Variants in SOX5 observed in about 807,000 individuals in gnomAD.
The protein encoded by SOX5 is SRY-box transcription factor 5, also known as transcription factor SOX-5.
Under a neutral mutation model 92.0 loss-of-function variants are expected in SOX5, and 9 were observed. The ratio of observed to expected loss-of-function variants is 0.10; its 90% CI spans 0.06 to 0.17. SOX5 has a LOEUF of 0.17. SOX5 is among the 10% of genes least tolerant of loss of function. SOX5 has a pLI of 1.00. For missense variants in SOX5, 642 were observed against 944.5 expected (o/e 0.68, Z 4.20); for synonymous variants, 344 against 336.3 (o/e 1.02, Z -0.25).
chr12:23,743,985 C>T lies in SOX5; in HGVS notation c.569-2946G>A, dbSNP rs185871474. Among the ~76,000 whole-genome samples, 776 of 152,266 alleles carry T rather than the reference C, an allele frequency of 5.1e-3. 7 individuals carry two copies. The highest frequency in any genetic ancestry group is 0.019 in the South Asian group (93 of 4,828). ...AGTCATAAAGACATAAATAAGATTT[C>T]AAATTTAAAACAAAATTTCTAATTT... is the stretch of plus-strand genomic sequence containing the variant. On this transcript the variant is annotated intron_variant, in intron 4 of 14. Coordinates refer to ENST00000451604, the MANE Select transcript of SOX5 (RefSeq NM_006940.6).
intron 4 of SOX5, among the ~76,000 whole-genome samples, chr12:24,006,580 G>A (rs760884111): frequency 3.9e-5 from 6 of 151,932 alleles, no homozygotes; most frequent in Non-Finnish European, 5.9e-5. Context: ...CTGGACCTGT[G>A]CCACTCCTTC....
intron 1 of SOX5, among the ~76,000 whole-genome samples, chr12:24,526,854 G>A (rs978609468): frequency 2.0e-5 from 3 of 151,024 alleles, no homozygotes; most frequent in Admixed American, 6.6e-5. Context: ...GTCTCACTCT[G>A]TTGCCTAGAC....
At chr12:24,117,942 C>G (rs1948200017) in intron 4 of SOX5, among the ~76,000 whole-genome samples, 1 of 148,828 alleles carries the variant, frequency 6.7e-6, no homozygotes, top group Non-Finnish European at 1.5e-5. Flanking sequence ...TTGCTTGAAC[C>G]TGGGAGGCAG....
At chr12:24,470,741 C>A (rs988900732) in intron 1 of SOX5, among the ~76,000 whole-genome samples, 2 of 152,120 alleles carry the variant, frequency 1.3e-5, no homozygotes, top group African/African-American at 4.8e-5. Context: ...AATCTCACTC[C>A]CATTATTTAC....
intron 4 of SOX5, among the ~76,000 whole-genome samples, chr12:24,095,128 C>CACACAGAG (rs1345578614): frequency 1.8e-4 from 16 of 90,232 alleles, no homozygotes; most frequent in African/African-American, 4.5e-4. Context: ...CACACACACA[C>CACACAGAG]AGAGAGAGAG....
chr12:23,772,240 T>C (rs1277010611), intron 3 of SOX5, among the ~76,000 whole-genome samples: 1 of 152,270 alleles, frequency 6.6e-6, no homozygotes, highest in African/African-American at 2.4e-5. Flanking sequence ...GTCTTCATCT[T>C]TGGCCCTTTA....
intron 1 of SOX5, among the ~76,000 whole-genome samples, chr12:24,496,784 G>A (rs559533100): frequency 1.3e-5 from 2 of 152,314 alleles, no homozygotes; most frequent in Admixed American, 1.3e-4. Flanking sequence ...ATTGGTGTCA[G>A]CTAAGCTTGC....
rs191354348 is a variant in SOX5 at position 23,532,993 on chromosome 12, T to G, written c.*1226A>C. 1.2e-4 allele frequency: 23 copies of G among 186,244 alleles called. No individual in the cohort carries two copies. The East Asian group carries it at 3.1e-3, about 25-fold the overall frequency. 11.5% of individuals were successfully genotyped at this position (186,244 alleles called of 1,614,324 possible). A position where few individuals can be genotyped will look rare whatever the true frequency, so the allele number is the denominator to read the frequency against. ...AGGGAGAAAGGACATCTGGGAGCAGTTTGCTAGTAGCTTCCATGTTATACA... is the reference window on the plus strand; with the variant it reads ...AGGGAGAAAGGACATCTGGGAGCAGGTTGCTAGTAGCTTCCATGTTATACA... On this transcript the variant is annotated 3_prime_UTR_variant, in exon 15 of 15. Transcript: ENST00000451604.
At chr12:23,962,106 TA>T (rs1465739466) in intron 4 of SOX5, among the ~76,000 whole-genome samples, 3 of 151,834 alleles carry the variant, frequency 2.0e-5, no homozygotes, top group Non-Finnish European at 4.4e-5. Flanking sequence ...CTGAAGTGTG[TA>T]AAAAAAAGTG....
Position 23,604,483 on chromosome 12 carries a change from C to A in SOX5, c.1068G>T (p.Lys356Asn). ...GGTTGCCTTGGGGTATGCCTGGCAGCTTCCCTCCTGGAGATACCTGCATTG... is the reference window on the plus strand; with the variant it reads ...GGTTGCCTTGGGGTATGCCTGGCAGATTCCCTCCTGGAGATACCTGCATTG... ...LAAMQVSPGG[K>N]LPGIPQGNLG... Residue 356 changes from lysine (K) to asparagine (N), a missense_variant, in exon 9 of 15, where the codon AAG (lysine) becomes AAT (asparagine). Lys to Asn is a moderately conservative substitution (Grantham distance 94). Coordinates refer to ENST00000451604, the MANE Select transcript of SOX5 (RefSeq NM_006940.6). The A allele has an allele frequency of 6.2e-7, 1 of 1,613,828 alleles. No homozygotes were observed.
intron 4 of SOX5, among the ~76,000 whole-genome samples, chr12:24,087,172 C>T (rs1459709029): frequency 1.3e-5 from 2 of 152,154 alleles, no homozygotes; most frequent in Non-Finnish European, 1.5e-5. Flanking sequence ...CTGTCTCTCT[C>T]TCTCTCTTTA....
At chr12:23,787,984 A>T (rs1428437062) in intron 3 of SOX5, among the ~76,000 whole-genome samples, 1 of 151,766 alleles carries the variant, frequency 6.6e-6, no homozygotes, top group Non-Finnish European at 1.5e-5. Context: ...ACAATGAGAA[A>T]GATACTGCTC....
rs1041120286 is a variant in SOX5 at position 23,600,724 on chromosome 12, A to T, written c.1164+3663T>A. On this transcript the variant is annotated intron_variant, in intron 9 of 14. Coordinates refer to ENST00000451604, the MANE Select transcript of SOX5 (RefSeq NM_006940.6). ...TGAATGCAGATTTTGAACAGACCAG[A>T]TTTCTTTTTGTGTTTTCACATTTAC... 6.6e-5 allele frequency among the ~76,000 whole-genome samples: 10 copies of T among 151,460 alleles called. No individual in the cohort carries two copies. In the East Asian group the frequency reaches 1.4e-3, roughly 21 times the overall value.
At chr12:23,913,360 CT>C (rs535392657) in intron 1 of SOX5, among the ~76,000 whole-genome samples, 97 of 146,132 alleles carry the variant, frequency 6.6e-4, no homozygotes, top group African/African-American at 1.6e-3. Flanking sequence ...TTTTTAAGTT[CT>C]TTTTTTTTTA....
chr12:24,087,652 C>T (rs988824036), intron 4 of SOX5, among the ~76,000 whole-genome samples: 18 of 152,178 alleles, frequency 1.2e-4, no homozygotes, highest in African/African-American at 4.3e-4. Flanking sequence ...AATGCAATGA[C>T]CTTCAAATTA....
At chr12:23,855,175 T>C (rs1187873196) in intron 2 of SOX5, among the ~76,000 whole-genome samples, 1 of 152,080 alleles carries the variant, frequency 6.6e-6, no homozygotes, top group Non-Finnish European at 1.5e-5. Flanking sequence ...GCAGTTTTTA[T>C]AGTTTTTTCT....
At chr12:23,697,168 A>G (rs2089994400) in intron 6 of SOX5, among the ~76,000 whole-genome samples, 1 of 152,218 alleles carries the variant, frequency 6.6e-6, no homozygotes, top group Non-Finnish European at 1.5e-5. Context: ...AAAGAGGATT[A>G]TTGAAATATC....
chr12:24,084,925 G>C (rs1318879357), intron 4 of SOX5, among the ~76,000 whole-genome samples: 3 of 152,010 alleles, frequency 2.0e-5, no homozygotes, highest in Non-Finnish European at 4.4e-5. Context: ...AAACCTTTAA[G>C]TGATTATATT....
intron 4 of SOX5, among the ~76,000 whole-genome samples, chr12:24,140,634 T>C (rs1422754168): frequency 6.6e-6 from 1 of 152,094 alleles, no homozygotes; most frequent in Non-Finnish European, 1.5e-5. Context: ...GGAATAAGGA[T>C]TAAACCCAAT....
Sources: allele counts gnomAD v4.1 joint callset (sites outside exome capture counted in the v4.1 genomes callset), GRCh38; gene constraint gnomAD v4.1.1; transcripts MANE v1.5; gene names NCBI Gene and HGNC (gene_info 2026-07-23, HGNC 2026-07-21).